The following PRKCE variants were observed in gnomAD, a reference collection of about 807,000 sequenced individuals.
PRKCE encodes protein kinase C epsilon type.
PRKCE carries 16 observed loss-of-function variants against 85.4 expected under a neutral mutation model. That is an observed-to-expected ratio of 0.19 (90% CI 0.13 to 0.28). PRKCE has a LOEUF of 0.28. Ranked by LOEUF, PRKCE falls within the 10% of genes least tolerant of loss-of-function variation. The pLI, the probability that PRKCE is intolerant of heterozygous loss-of-function variation, is 1.00. For synonymous variants in PRKCE, 388 were observed against 371.5 expected, an observed-to-expected ratio of 1.04 and a Z score of -0.51; for missense variants, 573 against 975.2, an observed-to-expected ratio of 0.59 and a Z score of 5.49.
intron 1 of PRKCE, among the ~76,000 whole-genome samples, chr2:45,707,378 A>G (rs112086588): frequency 5.1e-4 from 78 of 152,334 alleles, no homozygotes; most frequent in Non-Finnish European, 1.0e-3. Flanking sequence ...AGTGGATAAT[A>G]ACACCTTATA....
chr2:45,653,767 G>T (rs1572861745), intron 1 of PRKCE, among the ~76,000 whole-genome samples: 1 of 152,296 alleles, frequency 6.6e-6, no homozygotes, highest in South Asian at 2.1e-4. Flanking sequence ...TCACAGGGAA[G>T]CTCCAACAAG....
chr2:45,728,991 A>T (rs1681328643), intron 1 of PRKCE, among the ~76,000 whole-genome samples: 1 of 152,108 alleles, frequency 6.6e-6, no homozygotes. Context: ...GGCTGCCTCT[A>T]TTCCCACTTC....
In PRKCE at chr2:45,907,192, G is replaced by A. The variant is rs1417318021; in HGVS notation, c.412+64129G>A. On this transcript the variant is annotated intron_variant, in intron 2 of 14. Coordinates refer to ENST00000306156, the MANE Select transcript of PRKCE (RefSeq NM_005400.3). This position sits in a 1 kb window ranked among gnomAD's most constrained non-coding sequence, Gnocchi z 4.5. Reference sequence around the variant, plus strand: ...CCAGTGATGGAAAGAAAGCCCGAGAGAAGAGAAAAATGAAGCTTTAACTAT... The same window carrying A: ...CCAGTGATGGAAAGAAAGCCCGAGAAAAGAGAAAAATGAAGCTTTAACTAT... 6.6e-6 allele frequency among the ~76,000 whole-genome samples: 1 copy of A among 152,216 alleles called. No individual in the cohort carries two copies. The highest frequency in any genetic ancestry group is 1.5e-5 in the Non-Finnish European group (1 of 68,032).
At chr2:45,692,331 T>G (rs1481028380) in intron 1 of PRKCE, among the ~76,000 whole-genome samples, 1 of 152,138 alleles carries the variant, frequency 6.6e-6, no homozygotes, top group Non-Finnish European at 1.5e-5. Flanking sequence ...GAGTTTTTTC[T>G]TGTCATTTCC....
intron 1 of PRKCE, among the ~76,000 whole-genome samples, chr2:45,708,796 A>G (rs1558580054): frequency 6.6e-6 from 1 of 152,158 alleles, no homozygotes; most frequent in Non-Finnish European, 1.5e-5. Context: ...CTCCTGGGTC[A>G]GTGTCCCAGG....
intron 1 of PRKCE, among the ~76,000 whole-genome samples, chr2:45,791,484 C>G (rs1325533836): frequency 2.6e-5 from 4 of 152,204 alleles, no homozygotes; most frequent in African/African-American, 7.2e-5. Context: ...CAGCATTACA[C>G]TGTATTTGTA....
At chr2:46,019,474 C>G (rs1446720580) in intron 10 of PRKCE, among the ~76,000 whole-genome samples, 1 of 152,176 alleles carries the variant, frequency 6.6e-6, no homozygotes, top group African/African-American at 2.4e-5. Flanking sequence ...AAATGATGCT[C>G]TTACTCATTT....
intron 10 of PRKCE, among the ~76,000 whole-genome samples, chr2:46,067,014 A>G (rs1216876074): frequency 6.6e-6 from 1 of 152,256 alleles, no homozygotes; most frequent in Non-Finnish European, 1.5e-5. Context: ...AATTGTTGTC[A>G]GGTAGAAGTT....
At chr2:46,177,331 A>G (rs1414786126) in intron 14 of PRKCE, among the ~76,000 whole-genome samples, 1 of 152,240 alleles carries the variant, frequency 6.6e-6, no homozygotes, top group Non-Finnish European at 1.5e-5. Flanking sequence ...GCCCAGGGCT[A>G]CCATAACAAA....
At chr2:46,058,366 T>G (rs1445478219) in intron 10 of PRKCE, among the ~76,000 whole-genome samples, 1 of 152,218 alleles carries the variant, frequency 6.6e-6, no homozygotes, top group African/African-American at 2.4e-5. Context: ...ATCCAGATGC[T>G]CATTGTGTGG....
At chr2:45,875,179 A>G (rs1694381329) in intron 2 of PRKCE, among the ~76,000 whole-genome samples, 1 of 152,144 alleles carries the variant, frequency 6.6e-6, no homozygotes, top group Non-Finnish European at 1.5e-5. Context: ...CGGAGTGAAA[A>G]TATTGCAGTG....
chr2:45,939,562 T>TG, intron 2 of PRKCE, among the ~76,000 whole-genome samples: 1 of 46,510 alleles, frequency 2.2e-5, no homozygotes, highest in African/African-American at 6.3e-5. Context: ...GTTAATGCAC[T>TG]TTTTTTTTTT....
intron 2 of PRKCE, among the ~76,000 whole-genome samples, chr2:45,916,524 G>T (rs1697792119): frequency 6.6e-6 from 1 of 152,140 alleles, no homozygotes; most frequent in Admixed American, 6.5e-5. Flanking sequence ...GTGATTGTAG[G>T]TGTGAGCCAT....
At chr2:45,815,210 G>T (rs1688944988) in intron 1 of PRKCE, among the ~76,000 whole-genome samples, 1 of 152,158 alleles carries the variant, frequency 6.6e-6, no homozygotes, top group Admixed American at 6.5e-5. Context: ...CCCTTCTTTG[G>T]TCTCTCTTCA....
chr2:46,172,822 G>T (rs1241343551), intron 14 of PRKCE, among the ~76,000 whole-genome samples: 1 of 152,212 alleles, frequency 6.6e-6, no homozygotes, highest in East Asian at 1.9e-4. Context: ...GGACACTTCA[G>T]GTCCTGAAAA....
intron 10 of PRKCE, among the ~76,000 whole-genome samples, chr2:46,037,378 C>T (rs1707933215): frequency 6.6e-6 from 1 of 152,230 alleles, no homozygotes; most frequent in South Asian, 2.1e-4. Flanking sequence ...TCCCTTCTTC[C>T]ATCAGTCATT....
chr2:45,933,316 A>G (rs1699175951), intron 2 of PRKCE, among the ~76,000 whole-genome samples: 1 of 152,174 alleles, frequency 6.6e-6, no homozygotes, highest in Non-Finnish European at 1.5e-5. Context: ...GAAGTCCCTG[A>G]GGAATGTATC....
chr2:45,759,814 C>G (rs1684308655), intron 1 of PRKCE, among the ~76,000 whole-genome samples: 1 of 152,150 alleles, frequency 6.6e-6, no homozygotes, highest in Non-Finnish European at 1.5e-5. Context: ...TTCAGAGATG[C>G]AGGGAGGGGC....
At chr2:45,753,299 A>C (rs1683735723) in intron 1 of PRKCE, among the ~76,000 whole-genome samples, 1 of 152,184 alleles carries the variant, frequency 6.6e-6, no homozygotes, top group Non-Finnish European at 1.5e-5. Flanking sequence ...GTTTCTAACA[A>C]GTTCCCAGGT....
Sources: allele counts gnomAD v4.1 joint callset (sites outside exome capture counted in the v4.1 genomes callset), GRCh38; gene constraint gnomAD v4.1.1; non-coding constraint Gnocchi (gnomAD v3.1); transcripts MANE v1.5; gene names NCBI Gene and HGNC (gene_info 2026-07-23, HGNC 2026-07-21).